Variants in SOBP observed in about 807,000 individuals in gnomAD.
SOBP encodes the protein sine oculis binding protein homolog, also known as sine oculis-binding protein homolog.
In SOBP, 4 loss-of-function variants were observed where a neutral mutation model predicts 53.6. That is an observed-to-expected ratio of 0.07 (90% CI 0.04 to 0.17). The LOEUF (loss-of-function observed/expected upper bound fraction) is 0.17. Among genes scored for constraint, SOBP ranks in the 10% least tolerant of loss-of-function variants. The probability of loss-of-function intolerance (pLI) is 1.00; values close to 1 mark genes in which losing one functional copy is unlikely to be tolerated. For missense variants in SOBP, 1,088 were observed against 1,204.7 expected, an observed-to-expected ratio of 0.90 and a Z score of 1.43; for synonymous variants, 584 against 522.6, an observed-to-expected ratio of 1.12 and a Z score of -1.60.
chr6:107,617,852 C>T (rs975939229), intron 5 of SOBP, among the ~76,000 whole-genome samples: 2 of 122,084 alleles, frequency 1.6e-5, no homozygotes, highest in African/African-American at 3.1e-5. Context: ...TTTTCTGAGA[C>T]GGAGTCTCTC....
intron 6 of SOBP, among the ~76,000 whole-genome samples, chr6:107,644,851 T>C (rs1023024746): frequency 2.0e-5 from 3 of 152,188 alleles, no homozygotes; most frequent in African/African-American, 4.8e-5. Flanking sequence ...AACCCAAATG[T>C]TGAAAAAATA....
At chr6:107,559,640 T>C (rs1417568637) in intron 4 of SOBP, among the ~76,000 whole-genome samples, 6 of 152,214 alleles carry the variant, frequency 3.9e-5, no homozygotes, top group Admixed American at 3.9e-4. Context: ...ACACAAAACG[T>C]TTGCAGATTA....
At chr6:107,588,283 C>T (rs1785629511) in intron 5 of SOBP, among the ~76,000 whole-genome samples, 1 of 152,196 alleles carries the variant, frequency 6.6e-6, no homozygotes, top group South Asian at 2.1e-4. Context: ...ATTCTAGCCG[C>T]AGTAGCTACA....
Position 107,635,232 on chromosome 6 carries a change from G to A in SOBP, c.2388G>A (p.Leu796=), listed in dbSNP as rs1770977064. ...AAKKLMGEEA[L]AGGDKSDPNL... is the part of the protein sequence containing the mutation. The stretch of plus-strand genomic sequence containing the variant: ...AAAAGCTGATGGGCGAGGAGGCCCT[G>A]GCGGGGGGCGACAAGTCAGACCCGA... Residue 796 remains leucine (L), a synonymous_variant, in exon 6 of 7, where the codon CTG becomes CTA. Transcript: ENST00000317357. The surrounding 1 kb of genome is among the most constrained non-coding windows in gnomAD (Gnocchi z 4.5). 7.4e-6 allele frequency: 12 copies of A among 1,613,848 alleles called. No individual in the cohort carries two copies. Among genetic ancestry groups the A allele is most frequent in the Non-Finnish European group, 6.8e-6 (8 of 1,180,016 alleles).
intron 4 of SOBP, among the ~76,000 whole-genome samples, 200 bp from the exon 5 acceptor site, chr6:107,586,880 T>C (rs566528957): frequency 2.0e-5 from 3 of 152,336 alleles, no homozygotes; most frequent in African/African-American, 7.2e-5. Context: ...TGAATTTGCA[T>C]GTTCAAACTA....
intron 4 of SOBP, among the ~76,000 whole-genome samples, chr6:107,579,391 G>A (rs537459249): frequency 1.3e-5 from 2 of 152,280 alleles, no homozygotes; most frequent in African/African-American, 2.4e-5. Flanking sequence ...CAAGATAAAT[G>A]CAAAAGGGTC....
At chr6:107,566,845 G>C (rs962098763) in intron 4 of SOBP, among the ~76,000 whole-genome samples, 1 of 152,172 alleles carries the variant, frequency 6.6e-6, no homozygotes, top group African/African-American at 2.4e-5. Context: ...TGTGTCATGG[G>C]TTGCTGGACA....
In SOBP at chr6:107,634,393, C is replaced by T. The variant is rs1329067881; in HGVS notation, c.1549C>T (p.Leu517=). The change falls in exon 6 of 7, where the codon CTG becomes TTG. Residue 517 remains leucine (L), a synonymous_variant. Coordinates refer to ENST00000317357, the MANE Select transcript of SOBP (RefSeq NM_018013.4). This position sits in a 1 kb window ranked among gnomAD's most constrained non-coding sequence, Gnocchi z 4.5. The part of the protein sequence containing the change: ...MNFGLPSLAP[L]VPPPTLLVPY... ...TTTCGGGCTGCCGTCGCTTGCCCCG[C>T]TGGTGCCGCCCCCGACCCTGCTCGT... is the stretch of plus-strand genomic sequence containing the variant. The T allele has an allele frequency of 1.2e-6, 2 of 1,600,116 alleles. No individual in the cohort carries two copies. The highest frequency in any genetic ancestry group is 1.7e-6 in the Non-Finnish European group (2 of 1,178,944).
chr6:107,545,918 A>G (rs1437449886), intron 4 of SOBP, among the ~76,000 whole-genome samples: 1 of 152,226 alleles, frequency 6.6e-6, no homozygotes, highest in African/African-American at 2.4e-5. Flanking sequence ...GAGGCTATTT[A>G]AGCAAACTGT....
intron 4 of SOBP, among the ~76,000 whole-genome samples, chr6:107,556,791 G>T (rs995358750): frequency 7.2e-5 from 11 of 152,134 alleles, no homozygotes; most frequent in Non-Finnish European, 1.5e-4. Flanking sequence ...CCTTACTTTT[G>T]CCTGGGTGAA....
intron 4 of SOBP, among the ~76,000 whole-genome samples, chr6:107,582,396 A>G (rs1380225605): frequency 6.6e-6 from 1 of 152,224 alleles, no homozygotes; most frequent in African/African-American, 2.4e-5. Context: ...TGTTTAAACC[A>G]GAGGTTTTTG....
chr6:107,503,914 T>C (rs1448146437), intron 2 of SOBP, 119 bp downstream of exon 2: 4 of 1,220,812 alleles, frequency 3.3e-6, no homozygotes, highest in Non-Finnish European at 4.8e-6. Context: ...AATGGTTGAT[T>C]TAAACATACA....
chr6:107,493,002 A>G (rs985935062), intron 1 of SOBP, among the ~76,000 whole-genome samples: 1 of 152,136 alleles, frequency 6.6e-6, no homozygotes, highest in Non-Finnish European at 1.5e-5. Context: ...TGGTTTCTCA[A>G]AGTCAAAAGG....
At chr6:107,565,743 G>T (rs558375919) in intron 4 of SOBP, among the ~76,000 whole-genome samples, 2 of 152,270 alleles carry the variant, frequency 1.3e-5, no homozygotes, top group African/African-American at 4.8e-5. Flanking sequence ...AAATCAAAAT[G>T]AACCTAAAAG....
At chr6:107,536,583 C>A (rs927814550) in intron 4 of SOBP, among the ~76,000 whole-genome samples, 1 of 152,176 alleles carries the variant, frequency 6.6e-6, no homozygotes, top group African/African-American at 2.4e-5. Context: ...GTGTCACATA[C>A]ATCTCTCACA....
At chr6:107,495,882 T>G (rs1419370034) in intron 1 of SOBP, among the ~76,000 whole-genome samples, 1 of 151,994 alleles carries the variant, frequency 6.6e-6, no homozygotes, top group Non-Finnish European at 1.5e-5. Context: ...ATCCCTAAAG[T>G]CTAAAACTTC....
At chr6:107,626,817 C>G (rs1460378388) in intron 5 of SOBP, among the ~76,000 whole-genome samples, 8 of 150,912 alleles carry the variant, frequency 5.3e-5, no homozygotes, top group Non-Finnish European at 1.2e-4. Context: ...TCACATGTTT[C>G]CCCAGGCAGG....
At chr6:107,609,922 A>G (rs1201908790) in intron 5 of SOBP, among the ~76,000 whole-genome samples, 1 of 152,084 alleles carries the variant, frequency 6.6e-6, no homozygotes, top group African/African-American at 2.4e-5. Context: ...CTGACTGAGG[A>G]TTTCTAGTTC....
At chr6:107,539,314 C>T (rs1043452713) in intron 4 of SOBP, among the ~76,000 whole-genome samples, 1 of 152,144 alleles carries the variant, frequency 6.6e-6, no homozygotes, top group African/African-American at 2.4e-5. Context: ...GATGAAAACT[C>T]GAAATAGCTT....
Sources: allele counts gnomAD v4.1 joint callset (sites outside exome capture counted in the v4.1 genomes callset), GRCh38; gene constraint gnomAD v4.1.1; non-coding constraint Gnocchi (gnomAD v3.1); transcripts MANE v1.5; gene names NCBI Gene and HGNC (gene_info 2026-07-23, HGNC 2026-07-21).